The following TLN2 variants were observed in gnomAD, a reference collection of about 807,000 sequenced individuals.
TLN2 encodes the protein talin 2, also known as talin-2.
A neutral mutation model predicts 294.7 loss-of-function variants in TLN2; 118 were observed. The ratio of observed to expected loss-of-function variants is 0.40; its 90% CI spans 0.34 to 0.47. The LOEUF is 0.47. Among genes scored for constraint, TLN2 ranks in the 20% least tolerant of loss-of-function variants. TLN2 has a pLI of 0.84. For synonymous variants in TLN2, 1,431 were observed against 1,304.5 expected, an observed-to-expected ratio of 1.10 and a Z score of -2.09; for missense variants, 3,083 against 3,282.2, an observed-to-expected ratio of 0.94 and a Z score of 1.48.
chr15:62,697,207 A>C (rs2141083820), intron 14 of TLN2, among the ~76,000 whole-genome samples: 1 of 152,234 alleles, frequency 6.6e-6, no homozygotes, highest in Middle Eastern at 3.4e-3. Context: ...TCCTGGGCTC[A>C]GGTGATCCTC....
intron 41 of TLN2, among the ~76,000 whole-genome samples, chr15:62,768,050 C>T (rs2063126562): frequency 6.6e-6 from 1 of 152,188 alleles, no homozygotes; most frequent in African/African-American, 2.4e-5. Flanking sequence ...GGTGCGCCCT[C>T]TATCCAGAAG....
chr15:62,640,937 G>T (rs2051003043), intron 3 of TLN2, among the ~76,000 whole-genome samples: 1 of 152,026 alleles, frequency 6.6e-6, no homozygotes, highest in African/African-American at 2.4e-5. Flanking sequence ...GGGTGGCTGG[G>T]ATTACAGGCG....
chr15:62,777,034 A>C (rs556235065), intron 43 of TLN2, 124 bp downstream of exon 43: 7 of 860,238 alleles, frequency 8.1e-6, no homozygotes, highest in Admixed American at 4.1e-5. Context: ...GTTCTAGTTA[A>C]TGTACAGATA....
chr15:62,825,807 A>T (rs200398390), intron 54 of TLN2, among the ~76,000 whole-genome samples: 500 of 3,730 alleles, frequency 0.13, 34 homozygotes, highest in Middle Eastern at 0.5. Context: ...TATATTATAT[A>T]TTATATTATA....
chr15:62,778,939 C>T (rs12594999), intron 43 of TLN2, among the ~76,000 whole-genome samples: 149,687 of 152,340 alleles, frequency 0.98, 73,588 homozygotes, highest in Middle Eastern at 1. Flanking sequence ...AATTAAGTGA[C>T]GTTTCAGGTC....
At chr15:62,561,826 GTATC>G (rs2042986170) in intron 1 of TLN2, among the ~76,000 whole-genome samples, 1 of 152,078 alleles carries the variant, frequency 6.6e-6, no homozygotes, top group Non-Finnish European at 1.5e-5. Flanking sequence ...TCCTCTTGCA[GTATC>G]CTGCTCCCTA....
Position 62,748,416 on chromosome 15 carries a change from A to C in TLN2, c.4091A>C (p.Glu1364Ala). ...ACCCAACAAGCTCCGGGCCAGAAAG[A>C]GTGCGATAATGCCCTGCGGGAGCTC... ...LCTQQAPGQK[E>A]CDNALRELET... The change falls in exon 33 of 59, where the codon GAG becomes GCG. Residue 1364 changes from glutamate (E) to alanine (A), a missense_variant. Coordinates refer to ENST00000636159, the MANE Select transcript of TLN2 (RefSeq NM_015059.3). The C allele has an allele frequency of 6.2e-7, 1 of 1,613,906 alleles. No homozygotes were observed. Among genetic ancestry groups the C allele is most frequent in the Non-Finnish European group, 8.5e-7 (1 of 1,180,028 alleles).
At chr15:62,478,201 C>T (rs939888153) in intron 1 of TLN2, among the ~76,000 whole-genome samples, 3 of 152,060 alleles carry the variant, frequency 2.0e-5, no homozygotes, top group Admixed American at 6.6e-5. Flanking sequence ...GGTCACACAG[C>T]GAGAGTGTGC....
At chr15:62,719,979 A>G (rs761540769) in intron 25 of TLN2, 99 bp downstream of exon 25, 1 of 897,046 alleles carries the variant, frequency 1.1e-6, no homozygotes, top group Non-Finnish European at 1.6e-6. Flanking sequence ...AGCCTCAGCT[A>G]AGTCTTTGCG....
At chr15:62,837,924 C>CGACT (rs2069955646) in intron 57 of TLN2, among the ~76,000 whole-genome samples, 1 of 152,180 alleles carries the variant, frequency 6.6e-6, no homozygotes, top group Non-Finnish European at 1.5e-5. Context: ...CACAAGCCTT[C>CGACT]GACTCTGAGG....
intron 1 of TLN2, among the ~76,000 whole-genome samples, chr15:62,482,602 CAAAA>C (rs781297837): frequency 0.012 from 907 of 75,770 alleles, 14 homozygotes; most frequent in African/African-American, 0.041. Flanking sequence ...AACGTTGTCT[CAAAA>C]AAAAAAAAAA....
chr15:62,607,174 G>C (rs2047523071), intron 2 of TLN2, among the ~76,000 whole-genome samples: 2 of 152,056 alleles, frequency 1.3e-5, no homozygotes, highest in Admixed American at 1.3e-4. Flanking sequence ...AAGCACCCTT[G>C]GCTTCCTATT....
chr15:62,806,330 C>T (rs2066282772), intron 51 of TLN2, among the ~76,000 whole-genome samples: 1 of 152,296 alleles, frequency 6.6e-6, no homozygotes, highest in South Asian at 2.1e-4. Context: ...CTAGTTCTTC[C>T]TAAATAGGCA....
At chr15:62,432,830 T>G (rs2035082935) in intron 1 of TLN2, among the ~76,000 whole-genome samples, 2 of 152,100 alleles carry the variant, frequency 1.3e-5, no homozygotes, top group Admixed American at 1.3e-4. Context: ...TTTCTACGCC[T>G]CTTGTGAAAC....
intron 1 of TLN2, among the ~76,000 whole-genome samples, chr15:62,506,741 T>A (rs1466587460): frequency 1.3e-5 from 2 of 152,194 alleles, no homozygotes; most frequent in Admixed American, 6.5e-5. Flanking sequence ...AGAGTTACAC[T>A]CTAGGGCCCC....
chr15:62,664,019 T>A (rs924556260), intron 9 of TLN2, among the ~76,000 whole-genome samples: 51 of 152,008 alleles, frequency 3.4e-4, no homozygotes, highest in Non-Finnish European at 5.4e-4. Flanking sequence ...TACCACAATT[T>A]TTTAGAAAGG....
At chr15:62,832,261 A>T (rs375176247) in intron 54 of TLN2, 4 of 152,328 alleles carry the variant, frequency 2.6e-5, no homozygotes, top group East Asian at 1.9e-4. Flanking sequence ...AAAATTGGAT[A>T]AAAGGGTAAG....
chr15:62,706,975 C>G, intron 19 of TLN2, 111 bp from the exon 20 acceptor site: 1 of 1,313,298 alleles, frequency 7.6e-7, no homozygotes, highest in South Asian at 1.8e-5. Flanking sequence ...AAAAAAACTT[C>G]TAAAGTACTG....
At chr15:62,601,048 GCTT>G (rs1216620479) in intron 2 of TLN2, among the ~76,000 whole-genome samples, 2 of 152,050 alleles carry the variant, frequency 1.3e-5, no homozygotes, top group African/African-American at 2.4e-5. Context: ...TCGTCTTTGG[GCTT>G]CTTCTCTATC....
Sources: gnomAD v4.1 joint callset for allele counts (sites outside exome capture counted in the v4.1 genomes callset) on GRCh38, gnomAD v4.1.1 for gene constraint, MANE v1.5 for transcripts, NCBI Gene and HGNC (gene_info 2026-07-23, HGNC 2026-07-21) for gene names.